ZKSCAN7: variants seen among roughly 807,000 people sequenced by gnomAD.
ZKSCAN7 encodes the protein zinc finger protein with KRAB and SCAN domains 7.
ZKSCAN7 carries 38 observed loss-of-function variants against 65.3 expected under a neutral mutation model. That is an observed-to-expected ratio of 0.58 (90% confidence interval 0.45 to 0.76). The LOEUF is 0.76. Ranked by LOEUF, ZKSCAN7 falls within the 30% of genes least tolerant of loss-of-function variation. The pLI, the probability that ZKSCAN7 is intolerant of heterozygous loss-of-function variation, is 0.00. For missense variants in ZKSCAN7, 815 were observed against 913.3 expected (o/e 0.89, Z 1.39); for synonymous variants, 321 against 321.0 (o/e 1.00, Z 0.00).
At chr3:44,581,034 G>A (rs1700068651) in intron 5 of ZKSCAN7, 17 of 1,481,462 alleles carry the variant, frequency 1.1e-5, no homozygotes, top group African/African-American at 5.9e-5. Flanking sequence ...CATGGTCGGC[G>A]CGGCGGCGGC....
In ZKSCAN7 at chr3:44,581,087, G is replaced by A. The variant is rs1300421344; in HGVS notation, c.812-1885G>A. The A allele has an allele frequency of 6.3e-5, 68 of 1,076,670 alleles. No homozygotes were observed. In the East Asian group the frequency reaches 4.5e-3, roughly 71 times the overall value. 66.7% of individuals were successfully genotyped at this position (1,076,670 alleles called of 1,614,324 possible). A position where few individuals can be genotyped will look rare whatever the true frequency, so the allele number is the denominator to read the frequency against. ...CGGCCTGGCGCTCCCGGCGGGCTAG[G>A]GGCTCAGCGCGGCCGCCGCCGCATC... is the stretch of plus-strand genomic sequence containing the variant. On this transcript the variant is annotated intron_variant, in intron 5 of 5. Transcript: ENST00000341840.
intron 5 of ZKSCAN7, among the ~76,000 whole-genome samples, chr3:44,579,136 G>A (rs987695450): frequency 3.3e-5 from 5 of 152,226 alleles, no homozygotes; most frequent in African/African-American, 1.2e-4. Flanking sequence ...CGATCTCCAC[G>A]TGGACGTTAT....
At chr3:44,556,801 G>T (rs1699307214) in intron 1 of ZKSCAN7, 129 bp from the exon 2 acceptor site, 1 of 568,722 alleles carries the variant, frequency 1.8e-6, no homozygotes, top group East Asian at 3.1e-5. Flanking sequence ...ATCATTTGGA[G>T]AGATGCTTAC....
chr3:44,576,046 T>C (rs1441805675), downstream of ZKSCAN7, among the ~76,000 whole-genome samples: 2 of 152,180 alleles, frequency 1.3e-5, no homozygotes, highest in South Asian at 4.1e-4. Flanking sequence ...CATTCTGATA[T>C]ATATATAATT....
At position 44,570,185 on chromosome 3, in the gene ZKSCAN7, G is replaced by A. The variant is rs34181686; in HGVS notation, c.1075G>A (p.Glu359Lys). 7.6e-4 allele frequency: 1,231 copies of A among 1,614,220 alleles called. 3 individuals are homozygous for A. In the African/African-American group the frequency reaches 0.013, roughly 17 times the overall value. ...STKDRYDKYKEVGEHPPLSSS... is the reference protein window; with the variant it reads ...STKDRYDKYKKVGEHPPLSSS... ...AAAAGACAGATATGACAAATATAAG[G>A]AAGTTGGGGAACATCCACCTCTGTC... Residue 359 changes from glutamate (E) to lysine (K), a missense_variant, in exon 6 of 6, where the codon GAA (glutamate) becomes AAA (lysine). By Grantham distance (56) the Glu-to-Lys change is moderately conservative. Around this residue, in one of 3 missense-constraint regions of ZKSCAN7, gnomAD observed 578 missense variants for 629.5 expected, o/e 0.92. Transcript: ENST00000426540.
Position 44,571,329 on chromosome 3 carries a change from C to A in ZKSCAN7, c.2219C>A (p.Thr740Asn), listed in dbSNP as rs531208182. The change falls in exon 6 of 6, where the codon ACT (threonine) becomes AAT (asparagine). Residue 740 changes from threonine to asparagine, a missense_variant. Physicochemically the swap from Thr to Asn is moderately conservative, Grantham distance 65 (BLOSUM62 0). Around this residue, in one of 3 missense-constraint regions of ZKSCAN7, gnomAD observed 578 missense variants for 629.5 expected, o/e 0.92. Transcript: ENST00000426540. ...TCCACTTTTAATCACCACCAGCGAA[C>A]TCACACTGGAGAGAAGTCCTCAGGT... is the stretch of plus-strand genomic sequence containing the variant. ...QRSTFNHHQRTHTGEKSSGLA... is the reference protein window; with the variant it reads ...QRSTFNHHQRNHTGEKSSGLA... 6.2e-7 allele frequency: 1 copy of A among 1,614,236 alleles called. No homozygotes were observed. Among genetic ancestry groups the A allele is most frequent in the Non-Finnish European group, 8.5e-7 (1 of 1,180,038 alleles).
chr3:44,580,929 A>G, intron 5 of ZKSCAN7: 1 of 1,612,918 alleles, frequency 6.2e-7, no homozygotes, highest in Non-Finnish European at 8.5e-7. Flanking sequence ...GTCGTTGAGG[A>G]GATGCGACTC....
At chr3:44,578,753 AG>A (rs1182367976) in intron 5 of ZKSCAN7, among the ~76,000 whole-genome samples, 1 of 152,092 alleles carries the variant, frequency 6.6e-6, no homozygotes, top group Non-Finnish European at 1.5e-5. Context: ...CTCCTCGGCT[AG>A]GAGTCGGTCT....
At position 44,572,032 on chromosome 3, in the gene ZKSCAN7, T is replaced by G. The variant is rs1699819861; in HGVS notation, c.*657T>G. 2.0e-6 allele frequency: 2 copies of G among 985,664 alleles called. No homozygotes were observed. The highest frequency in any genetic ancestry group is 1.2e-6 in the Non-Finnish European group (1 of 830,180). The allele number at this position is 985,664 out of a possible 1,614,324, so 61.1% of individuals were successfully genotyped here. ...TAACTGTGGTTAATTGCCTTGTAAA[T>G]TTTGCGTGTCTGTATACTTTTATAC... is the stretch of plus-strand genomic sequence containing the variant. On this transcript the variant is annotated 3_prime_UTR_variant, in exon 6 of 6. Transcript: ENST00000426540.
chr3:44,579,983 G>T lies in ZKSCAN7; in HGVS notation c.812-2989G>T, dbSNP rs558176319. 1,151 of 1,573,798 alleles carry T rather than the reference G, an allele frequency of 7.3e-4. 2 individuals carry two copies. In the African/African-American group the frequency reaches 0.014, roughly 19 times the overall value. ...CGTCTGGGAGAGGAGCTTGGGGGGG[G>T]GCTTCATTGGTGAAGTCCTGCTTGC... On this transcript the variant is annotated intron_variant, in intron 5 of 5. Transcript: ENST00000341840.
Position 44,571,479 on chromosome 3 carries a change from T to C in ZKSCAN7, c.*104T>C. On this transcript the variant is annotated 3_prime_UTR_variant, in exon 6 of 6. Coordinates refer to ENST00000426540, the MANE Select transcript of ZKSCAN7 (RefSeq NM_001288590.2). ...CGGAGCCAGTAGTCACGGTGGACCA[T>C]TCCCTACTTGCTTTTCCTTGGATCA... 6.3e-7 allele frequency: 1 copy of C among 1,593,290 alleles called. No individual in the cohort carries two copies. Among genetic ancestry groups the C allele is most frequent in the Non-Finnish European group, 8.5e-7 (1 of 1,175,592 alleles).
chr3:44,557,566 T>C, intron 2 of ZKSCAN7, 96 bp downstream of exon 2: 3 of 1,559,108 alleles, frequency 1.9e-6, no homozygotes, highest in Non-Finnish European at 2.6e-6. Flanking sequence ...CCTAGGCCAG[T>C]TTGCCTTTAG....
chr3:44,568,623 T>G (rs572310636), intron 5 of ZKSCAN7, 190 bp downstream of exon 5: 1 of 839,704 alleles, frequency 1.2e-6, no homozygotes, highest in South Asian at 2.1e-5. Context: ...CACCTCATTA[T>G]GAATTGATAT....
At chr3:44,561,459 A>G (rs572371740) in intron 2 of ZKSCAN7, among the ~76,000 whole-genome samples, 1 of 152,224 alleles carries the variant, frequency 6.6e-6, no homozygotes, top group East Asian at 1.9e-4. Context: ...CCCAAATCTC[A>G]TGTTCTTTTC....
intron 5 of ZKSCAN7, chr3:44,579,860 CCTTT>C: frequency 2.5e-6 from 4 of 1,610,520 alleles, no homozygotes; most frequent in Non-Finnish European, 3.4e-6. Context: ...AGTCAGCCAG[CCTTT>C]CTTGAAATTC....
chr3:44,571,854 A>AAAC lies in ZKSCAN7; in HGVS notation c.*481_*483dup, dbSNP rs1354189300. 3.0e-6 allele frequency: 3 copies of AAAC among 987,692 alleles called. No individual in the cohort carries two copies. In the African/African-American group the frequency reaches 5.2e-5, roughly 17 times the overall value. 61.2% of individuals were successfully genotyped at this position (987,692 alleles called of 1,614,324 possible). The stretch of plus-strand genomic sequence containing the variant: ...TCATCAGTTTTGTTCCCTATCTAGA[A>AAAC]AACATTTTCTTCTGTTTGCTAATCT... On this transcript the variant is annotated 3_prime_UTR_variant, in exon 6 of 6. Coordinates refer to ENST00000426540, the MANE Select transcript of ZKSCAN7 (RefSeq NM_001288590.2).
chr3:44,565,380 G>A (rs1202322439), intron 2 of ZKSCAN7, 107 bp from the exon 3 acceptor site: 1 of 1,151,178 alleles, frequency 8.7e-7, no homozygotes, highest in African/African-American at 1.6e-5. Context: ...GGACACCCTG[G>A]CTCTTCTTTT....
rs1699613444 is a variant in ZKSCAN7, at chr3:44,565,725, T to G, written c.592+70T>G. ...CTCCTCTGGAGTCTCCTTTCCTTTA[T>G]CTGCCCATCTCCTACTCCATGGAAT... On this transcript the variant is annotated intron_variant, in intron 3 of 5. Transcript: ENST00000426540. The G allele has an allele frequency of 2.1e-6, 3 of 1,397,312 alleles. No individual in the cohort carries two copies. In the Admixed American group the frequency reaches 8.0e-5, roughly 37 times the overall value. The allele number at this position is 1,397,312 out of a possible 1,614,324, so 86.6% of individuals were successfully genotyped here. A position where few individuals can be genotyped will look rare whatever the true frequency, so the allele number is the denominator to read the frequency against.
intron 5 of ZKSCAN7, among the ~76,000 whole-genome samples, chr3:44,577,803 C>T (rs1455982556): frequency 6.6e-6 from 1 of 152,172 alleles, no homozygotes; most frequent in Non-Finnish European, 1.5e-5. Context: ...GCATTCCATG[C>T]CCACAGTTAA....
Sources: allele counts gnomAD v4.1 joint callset (sites outside exome capture counted in the v4.1 genomes callset), GRCh38; gene constraint gnomAD v4.1.1; regional missense constraint gnomAD v4.1.1; transcripts MANE v1.5; gene names NCBI Gene and HGNC (gene_info 2026-07-23, HGNC 2026-07-21).